PCSK5: variants seen among roughly 807,000 people sequenced by gnomAD.
PCSK5 encodes the protein prohormone convertase 5.
A neutral mutation model predicts 233.2 loss-of-function variants in PCSK5; 129 were observed. That is an observed-to-expected ratio of 0.55 (90% CI 0.48 to 0.64). The LOEUF is 0.64. PCSK5 is among the 30% of genes least tolerant of loss of function. The probability of loss-of-function intolerance (pLI) is 0.00; values close to 1 mark genes in which losing one functional copy is unlikely to be tolerated. For missense variants in PCSK5, 2,076 were observed against 2,430.1 expected (o/e 0.85, Z 3.06); for synonymous variants, 825 against 879.2 (o/e 0.94, Z 1.09).
chr9:76,188,433 C>T (rs143696272), intron 17 of PCSK5, 145 bp from the exon 18 acceptor site: 4 of 591,828 alleles, frequency 6.8e-6, no homozygotes, highest in East Asian at 2.9e-5. Flanking sequence ...AAAGGGTACA[C>T]GGGCTATTTC....
chr9:76,266,361 A>G (rs1827333042), intron 24 of PCSK5, among the ~76,000 whole-genome samples: 1 of 152,240 alleles, frequency 6.6e-6, no homozygotes, highest in South Asian at 2.1e-4. Flanking sequence ...ATATGTAGAC[A>G]TAATTGGCAA....
chr9:76,313,759 T>A (rs1828937586), intron 30 of PCSK5, among the ~76,000 whole-genome samples: 1 of 152,136 alleles, frequency 6.6e-6, no homozygotes, highest in Non-Finnish European at 1.5e-5. Context: ...TCCAGCTTCA[T>A]CCCCAGCTGG....
Position 76,139,117 on chromosome 9 carries a change from T to C in PCSK5, c.1312+4905T>C, listed in dbSNP as rs144344185. 3.6e-3 allele frequency among the ~76,000 whole-genome samples: 554 copies of C among 152,250 alleles called. 3 individuals are homozygous for C. Among genetic ancestry groups the C allele is most frequent in the African/African-American group, 0.013 (525 of 41,564 alleles). ...ATTTTATTTCCACTGGTAGGGTTGATAATTTTAAGATGTCCAATATATTTT... is the reference window on the plus strand; with the variant it reads ...ATTTTATTTCCACTGGTAGGGTTGACAATTTTAAGATGTCCAATATATTTT... On this transcript the variant is annotated intron_variant, in intron 10 of 37. Coordinates refer to ENST00000674117, the MANE Select transcript of PCSK5 (RefSeq NM_001372043.1).
chr9:75,893,595 G>A (rs1825697096), intron 1 of PCSK5, among the ~76,000 whole-genome samples: 1 of 152,126 alleles, frequency 6.6e-6, no homozygotes. Context: ...TAGCGAGATG[G>A]GAGAAATTGT....
chr9:76,194,654 A>T (rs1444244974), intron 20 of PCSK5: 1 of 409,336 alleles, frequency 2.4e-6, no homozygotes, highest in Non-Finnish European at 5.0e-6. Context: ...CTCTCTAAAC[A>T]CTTCATCGAA....
At position 76,219,825 on chromosome 9, in the gene PCSK5, C is replaced by T. The variant is rs573249757; in HGVS notation, c.2627-7678C>T. 1.2e-4 allele frequency among the ~76,000 whole-genome samples: 19 copies of T among 152,292 alleles called. No individual in the cohort carries two copies. The South Asian group carries it at 2.9e-3, about 23-fold the overall frequency. ...CCAAGGGTGACTTGCATCAGGTTGT[C>T]GGCGCTGCTTTCTGAAAGATAAATA... On this transcript the variant is annotated intron_variant, in intron 20 of 37. Coordinates refer to ENST00000674117, the MANE Select transcript of PCSK5 (RefSeq NM_001372043.1).
chr9:75,911,201 G>GTTTT lies in PCSK5; in HGVS notation c.192+19856_192+19859dup, dbSNP rs71370772. On this transcript the variant is annotated intron_variant, in intron 1 of 37. Coordinates refer to ENST00000674117, the MANE Select transcript of PCSK5 (RefSeq NM_001372043.1). ...TGATACATTGCGTGTGAACATATAG[G>GTTTT]TTTTTTTTTTTTTTTTTTTTTTTTT... Among the ~76,000 whole-genome samples, 303 of 48,760 alleles carry GTTTT rather than the reference G, an allele frequency of 6.2e-3. 27 individuals carry two copies. The highest frequency in any genetic ancestry group is 0.017 in the African/African-American group (202 of 11,876). 32.0% of individuals were successfully genotyped at this position (48,760 alleles called of 152,430 possible).
intron 30 of PCSK5, 131 bp downstream of exon 30, chr9:76,310,982 C>A: frequency 1.6e-6 from 1 of 624,222 alleles, no homozygotes; most frequent in Non-Finnish European, 2.7e-6. Context: ...CCTCTGTTGA[C>A]TGACATGGGT....
intron 5 of PCSK5, among the ~76,000 whole-genome samples, chr9:76,038,173 C>T (rs1255640784): frequency 6.6e-6 from 1 of 152,168 alleles, no homozygotes; most frequent in African/African-American, 2.4e-5. Flanking sequence ...CCATGCCTGT[C>T]CCAATTACCA....
At chr9:76,119,841 T>G (rs556618413) in intron 9 of PCSK5, among the ~76,000 whole-genome samples, 2 of 152,186 alleles carry the variant, frequency 1.3e-5, no homozygotes, top group East Asian at 3.9e-4. Context: ...TAAGTTATTA[T>G]TGACTATAGT....
At chr9:76,144,359 T>C (rs559929888) in intron 10 of PCSK5, among the ~76,000 whole-genome samples, 94 of 152,350 alleles carry the variant, frequency 6.2e-4, no homozygotes, top group Non-Finnish European at 1.2e-3. Context: ...AGTGCAATTC[T>C]ATGCATCTTA....
chr9:76,002,522 T>C (rs947893313), intron 3 of PCSK5, among the ~76,000 whole-genome samples: 1 of 152,210 alleles, frequency 6.6e-6, no homozygotes, highest in African/African-American at 2.4e-5. Context: ...TAAGATTTAT[T>C]TACTGTGGGA....
intron 24 of PCSK5, among the ~76,000 whole-genome samples, chr9:76,262,185 A>T (rs993029480): frequency 6.6e-6 from 1 of 152,146 alleles, no homozygotes; most frequent in Non-Finnish European, 1.5e-5. Context: ...CAATATCGTG[A>T]AAATGGCCAT....
At chr9:75,989,710 A>C (rs1041855438) in intron 3 of PCSK5, among the ~76,000 whole-genome samples, 2 of 152,146 alleles carry the variant, frequency 1.3e-5, no homozygotes, top group African/African-American at 4.8e-5. Flanking sequence ...GGCTGTGTGA[A>C]TGTCCACTTG....
At chr9:76,337,737 G>A (rs959599224) in intron 34 of PCSK5, among the ~76,000 whole-genome samples, 3 of 152,004 alleles carry the variant, frequency 2.0e-5, no homozygotes, top group Admixed American at 6.6e-5. Context: ...GCCTCCCAAA[G>A]TGCTATAATT....
At chr9:75,925,969 T>C (rs957735194) in intron 1 of PCSK5, among the ~76,000 whole-genome samples, 2 of 152,196 alleles carry the variant, frequency 1.3e-5, no homozygotes, top group African/African-American at 2.4e-5. Flanking sequence ...TTCGGACTTT[T>C]CAGTTTTGAG....
chr9:75,962,897 G>A (rs1825416412), intron 2 of PCSK5, among the ~76,000 whole-genome samples: 1 of 152,184 alleles, frequency 6.6e-6, no homozygotes, highest in South Asian at 2.1e-4. Flanking sequence ...CACTGTGTGT[G>A]TGTTGGTTAA....
chr9:76,331,593 G>A lies in PCSK5; in HGVS notation c.4571-840G>A, dbSNP rs186320682. 3.0e-3 allele frequency among the ~76,000 whole-genome samples: 457 copies of A among 151,322 alleles called. 3 individuals carry two copies. The highest frequency in any genetic ancestry group is 5.1e-3 in the Non-Finnish European group (348 of 67,942). ...TAGGCAGGAGAATGGTGTGAACCCG[G>A]AAGGTGGAGCTTGCAGTGAGCCAAG... is the stretch of plus-strand genomic sequence containing the variant. On this transcript the variant is annotated intron_variant, in intron 33 of 37. Coordinates refer to ENST00000674117, the MANE Select transcript of PCSK5 (RefSeq NM_001372043.1).
At chr9:75,900,243 G>T (rs114024266) in intron 1 of PCSK5, among the ~76,000 whole-genome samples, 1 of 152,170 alleles carries the variant, frequency 6.6e-6, no homozygotes, top group Non-Finnish European at 1.5e-5. Context: ...TAAGCTCTCT[G>T]TTCCTCAGTT....
Sources: allele counts gnomAD v4.1 joint callset (sites outside exome capture counted in the v4.1 genomes callset), GRCh38; gene constraint gnomAD v4.1.1; transcripts MANE v1.5; gene names NCBI Gene and HGNC (gene_info 2026-07-23, HGNC 2026-07-21).